Variants in TXNL4B observed in about 807,000 individuals in gnomAD.
TXNL4B encodes thioredoxin like 4B.
In TXNL4B, 12 loss-of-function variants were observed where a neutral mutation model predicts 13.0. That is an observed-to-expected ratio of 0.92 (90% CI 0.59 to 1.49). The LOEUF (loss-of-function observed/expected upper bound fraction) is 1.49. TXNL4B is among the 40% of genes most tolerant of loss of function. The probability of loss-of-function intolerance (pLI) is 0.00; values close to 1 mark genes in which losing one functional copy is unlikely to be tolerated. For missense variants in TXNL4B, 214 were observed against 173.6 expected (o/e 1.23, Z -1.31); for synonymous variants, 59 against 58.9 (o/e 1.00, Z -0.01).
chr16:72,091,585 C>T (rs943589312), intron 1 of TXNL4B, among the ~76,000 whole-genome samples: 38 of 152,344 alleles, frequency 2.5e-4, no homozygotes, highest in East Asian at 3.9e-4. Context: ...ATGAAGATTG[C>T]CCCATATCTC....
intron 3 of TXNL4B, chr16:72,087,406 G>A (rs1256744840): frequency 1.3e-5 from 2 of 150,492 alleles, no homozygotes; most frequent in Non-Finnish European, 3.0e-5. Context: ...CCAACATTGG[G>A]AATTATGTCA....
At position 72,086,177 on chromosome 16, in the gene TXNL4B, A is replaced by AGGGGTGTG. The variant is rs1415362590; in HGVS notation, c.*452_*459dup. 6.5e-6 allele frequency: 1 copy of AGGGGTGTG among 152,754 alleles called. No homozygotes were observed. Among genetic ancestry groups the AGGGGTGTG allele is most frequent in the Non-Finnish European group, 1.5e-5 (1 of 68,592 alleles). 9.5% of individuals were successfully genotyped at this position (152,754 alleles called of 1,614,324 possible). ...GATGTATGAGTCGAGGAACCGGCAA[A>AGGGGTGTG]GGGGTGTGGGGGTGTGTGTGTGTGT... On this transcript the variant is annotated 3_prime_UTR_variant, in exon 4 of 4. Transcript: ENST00000268483.
chr16:72,086,435 C>A lies in TXNL4B; in HGVS notation c.*202G>T. ...AATGACTTGGCTGCTCTGAGGCTTG[C>A]AGGGAGTAGACAGTTAGGCATCCCA... is the stretch of plus-strand genomic sequence containing the variant. On this transcript the variant is annotated 3_prime_UTR_variant, in exon 4 of 4. Coordinates refer to ENST00000268483, the MANE Select transcript of TXNL4B (RefSeq NM_017853.3). 2.2e-6 allele frequency: 1 copy of A among 452,320 alleles called. No homozygotes were observed. The highest frequency in any genetic ancestry group is 4.0e-6 in the Non-Finnish European group (1 of 252,636). The allele number at this position is 452,320 out of a possible 1,614,324, so 28.0% of individuals were successfully genotyped here.
At position 72,087,366 on chromosome 16, in the gene TXNL4B, G is replaced by GTGTGTGTGTGTGTGTA. The variant is rs367849815; in HGVS notation, c.285-565_285-564insTACACACACACACACA. 2.7e-5 allele frequency: 4 copies of GTGTGTGTGTGTGTGTA among 149,788 alleles called. No individual in the cohort carries two copies. In the South Asian group the frequency reaches 8.5e-4, roughly 32 times the overall value. 9.3% of individuals were successfully genotyped at this position (149,788 alleles called of 1,614,324 possible). ...TGTGTGTGTGTGTGTGTGTGTGTGT[G>GTGTGTGTGTGTGTGTA]TGTATGTGCAGATACAAACTTCTTT... On this transcript the variant is annotated intron_variant, in intron 3 of 3. Transcript: ENST00000268483.
chr16:72,092,419 C>CAAA (rs34306814), intron 1 of TXNL4B, among the ~76,000 whole-genome samples: 1 of 135,378 alleles, frequency 7.4e-6, no homozygotes. Context: ...GCTCCGTCTC[C>CAAA]AAAAAAAAAA....
chr16:72,086,078 A>G lies in TXNL4B; in HGVS notation c.*559T>C, dbSNP rs2041818457. 1.3e-5 allele frequency: 2 copies of G among 152,194 alleles called. No homozygotes were observed. Among genetic ancestry groups the G allele is most frequent in the Admixed American group, 6.5e-5 (1 of 15,284 alleles). The allele number at this position is 152,194 out of a possible 1,614,324, so 9.4% of individuals were successfully genotyped here. On this transcript the variant is annotated 3_prime_UTR_variant, in exon 4 of 4. Transcript: ENST00000268483. The stretch of plus-strand genomic sequence containing the variant: ...AGAGCCAAAAAGGCTCCAAAATAAA[A>G]CAAACTTGTCTGCTCAATTAATTAT...
intron 3 of TXNL4B, among the ~76,000 whole-genome samples, chr16:72,087,818 T>C (rs772675442): frequency 3.9e-5 from 6 of 151,902 alleles, no homozygotes; most frequent in Non-Finnish European, 7.4e-5. Context: ...GCACCCACCA[T>C]CATGCCTGGC....
chr16:72,092,238 G>T (rs560407074), intron 1 of TXNL4B, among the ~76,000 whole-genome samples: 2 of 152,194 alleles, frequency 1.3e-5, no homozygotes, highest in South Asian at 2.1e-4. Flanking sequence ...GTGAAACCCC[G>T]TCTCTACTAA....
intron 1 of TXNL4B, among the ~76,000 whole-genome samples, chr16:72,091,487 A>C (rs1445544665): frequency 6.6e-6 from 1 of 152,214 alleles, no homozygotes; most frequent in African/African-American, 2.4e-5. Flanking sequence ...AGGAGGATGA[A>C]GAATGGCTGT....
chr16:72,086,895 G>A, intron 3 of TXNL4B, 93 bp from the exon 4 acceptor site: 1 of 989,862 alleles, frequency 1.0e-6, no homozygotes, highest in Non-Finnish European at 1.4e-6. Context: ...AAACAGCTTT[G>A]TTATTTTCTT....
chr16:72,090,909 T>C (rs1431909012), intron 1 of TXNL4B, 123 bp from the exon 2 acceptor site: 1 of 788,226 alleles, frequency 1.3e-6, no homozygotes, highest in African/African-American at 1.8e-5. Context: ...CATAGAAAGG[T>C]AACACTGTGG....
rs753128352 is a variant in TXNL4B, at chr16:72,086,779, A to C, written c.308T>G (p.Val103Gly). Residue 103 changes from valine (V) to glycine (G), a missense_variant, in exon 4 of 4, where the codon GTG becomes GGG. Transcript: ENST00000268483. ...GTCTTGTTTGGTTTTGAAGCTTCCCACAAACTTAGTGTGATCTGGAGATCT... is the reference window on the plus strand; with the variant it reads ...GTCTTGTTTGGTTTTGAAGCTTCCCCCAAACTTAGTGTGATCTGGAGATCT... ...DYGSPDHTKFVGSFKTKQDFI... is the reference protein window; with the variant it reads ...DYGSPDHTKFGGSFKTKQDFI... 1 of 1,612,576 alleles carries C rather than the reference A, an allele frequency of 6.2e-7. No homozygotes were observed. Among genetic ancestry groups the C allele is most frequent in the South Asian group, 1.1e-5 (1 of 90,950 alleles).
At position 72,090,708 on chromosome 16, in the gene TXNL4B, T is replaced by C; in HGVS notation, c.42A>G (p.Val14=). The part of the protein sequence containing the change: ...LLPKLTSKKE[V]DQAIKSTAEK... ...CAGCAGTACTTTTTATCGCCTGGTC[T>C]ACTTCCTTTTTGCTAGTCAGCTTGG... Residue 14 remains valine, a synonymous_variant, in exon 2 of 4, where the codon GTA becomes GTG. Transcript: ENST00000268483. 6.2e-7 allele frequency: 1 copy of C among 1,614,236 alleles called. No individual in the cohort carries two copies. The highest frequency in any genetic ancestry group is 8.5e-7 in the Non-Finnish European group (1 of 1,180,038).
intron 1 of TXNL4B, among the ~76,000 whole-genome samples, chr16:72,092,315 A>C (rs2041920997): frequency 6.6e-6 from 1 of 152,156 alleles, no homozygotes; most frequent in South Asian, 2.1e-4. Flanking sequence ...CAGGAGGCTG[A>C]GGCAGGAGAA....
chr16:72,089,780 C>CATT (rs1450279585), intron 2 of TXNL4B, among the ~76,000 whole-genome samples: 1 of 152,220 alleles, frequency 6.6e-6, no homozygotes, highest in Non-Finnish European at 1.5e-5. Context: ...AAGTGCTTAA[C>CATT]ATTTGTTAAC....
Position 72,085,182 on chromosome 16 carries a change from G to T in TXNL4B, c.*1455C>A. ...TGGCAGCCTTCCCTCTCTCCTGTAT[G>T]AGCCAAAAGCAAGACTCATGGCACC... On this transcript the variant is annotated 3_prime_UTR_variant, in exon 4 of 4. Coordinates refer to ENST00000268483, the MANE Select transcript of TXNL4B (RefSeq NM_017853.3). 1 of 395,718 alleles carries T rather than the reference G, an allele frequency of 2.5e-6. No individual in the cohort carries two copies. Among genetic ancestry groups the T allele is most frequent in the Non-Finnish European group, 4.4e-6 (1 of 224,908 alleles). The allele number at this position is 395,718 out of a possible 1,614,324, so 24.5% of individuals were successfully genotyped here. A position where few individuals can be genotyped will look rare whatever the true frequency, so the allele number is the denominator to read the frequency against.
chr16:72,091,650 G>A (rs1403035826), intron 1 of TXNL4B, among the ~76,000 whole-genome samples: 3 of 152,170 alleles, frequency 2.0e-5, no homozygotes, highest in Admixed American at 2.0e-4. Context: ...TCTTGCATGT[G>A]TTACACTTTT....
At position 72,087,775 on chromosome 16, in the gene TXNL4B, C is replaced by T. The variant is rs183481831; in HGVS notation, c.285-973G>A. 6.1e-3 allele frequency among the ~76,000 whole-genome samples: 922 copies of T among 152,276 alleles called. 5 individuals are homozygous for T. The highest frequency in any genetic ancestry group is 0.012 in the Admixed American group (176 of 15,304). ...CACCTCCTGGGCTCAAGCGAATCTC[C>T]TGCCTCAGCCTCCTGAGTAGTTGGG... On this transcript the variant is annotated intron_variant, in intron 3 of 3. Coordinates refer to ENST00000268483, the MANE Select transcript of TXNL4B (RefSeq NM_017853.3).
chr16:72,093,190 T>C (rs888838169), intron 1 of TXNL4B, among the ~76,000 whole-genome samples, 177 bp downstream of exon 1: 10 of 152,254 alleles, frequency 6.6e-5, no homozygotes, highest in African/African-American at 1.9e-4. Flanking sequence ...CTTACTACAA[T>C]GTATTCCAGA....
Sources: gnomAD v4.1 joint callset for allele counts (sites outside exome capture counted in the v4.1 genomes callset) on GRCh38, gnomAD v4.1.1 for gene constraint, MANE v1.5 for transcripts, NCBI Gene and HGNC (gene_info 2026-07-23, HGNC 2026-07-21) for gene names.